Variants in CDH11 observed in about 807,000 individuals in gnomAD.
CDH11 encodes the protein cadherin-11.
CDH11 carries 11 observed loss-of-function variants against 67.8 expected under a neutral mutation model. That is an observed-to-expected ratio of 0.16 (90% CI 0.10 to 0.27). CDH11 has a LOEUF of 0.27. CDH11 is among the 10% of genes least tolerant of loss of function. The pLI is 1.00. For synonymous variants in CDH11, 419 were observed against 400.0 expected, an observed-to-expected ratio of 1.05 and a Z score of -0.57; for missense variants, 847 against 1,031.2, an observed-to-expected ratio of 0.82 and a Z score of 2.45.
intron 1 of CDH11, among the ~76,000 whole-genome samples, chr16:65,077,788 C>T (rs547097293): frequency 1.0e-3 from 157 of 152,264 alleles, no homozygotes; most frequent in Middle Eastern, 3.4e-3. Context: ...AATTAAACAT[C>T]CTATATTTTG....
chr16:65,122,521 T>C (rs1208499399), upstream of CDH11, among the ~76,000 whole-genome samples: 1 of 152,026 alleles, frequency 6.6e-6, no homozygotes, highest in Non-Finnish European at 1.5e-5. Flanking sequence ...GGGATGGTGG[T>C]TGGGGGAAGG....
chr16:64,976,327 C>T (rs554651205), intron 8 of CDH11, among the ~76,000 whole-genome samples: 1 of 150,990 alleles, frequency 6.6e-6, no homozygotes, highest in South Asian at 2.1e-4. Flanking sequence ...AGGTTAGTGC[C>T]AAGAAAACTA....
At chr16:64,991,058 A>G (rs1280625992) in intron 6 of CDH11, among the ~76,000 whole-genome samples, 1 of 152,162 alleles carries the variant, frequency 6.6e-6, no homozygotes, top group Non-Finnish European at 1.5e-5. Flanking sequence ...TCCAGTGGAA[A>G]CATTTGGTGG....
chr16:65,023,929 C>A (rs543991916), intron 2 of CDH11, among the ~76,000 whole-genome samples: 2 of 152,260 alleles, frequency 1.3e-5, no homozygotes, highest in Admixed American at 1.3e-4. Flanking sequence ...CCTACCCAAT[C>A]TCCTGTTTCA....
At chr16:64,991,021 T>C (rs1200121593) in intron 6 of CDH11, among the ~76,000 whole-genome samples, 1 of 152,152 alleles carries the variant, frequency 6.6e-6, no homozygotes, top group African/African-American at 2.4e-5. Flanking sequence ...CTACATGAAC[T>C]CCCCTTAGAT....
chr16:64,960,121 CT>C (rs1399902100), intron 11 of CDH11, among the ~76,000 whole-genome samples: 6 of 152,148 alleles, frequency 3.9e-5, no homozygotes, highest in African/African-American at 1.4e-4. Flanking sequence ...ATTCTTCCCC[CT>C]AACCCTAGGT....
chr16:65,115,707 C>CAAAAAAAAAAAAAAAAAAAAAAAAAAA (rs750108148), intron 1 of CDH11, among the ~76,000 whole-genome samples: 1 of 60,178 alleles, frequency 1.7e-5, no homozygotes, highest in Non-Finnish European at 3.3e-5. Flanking sequence ...AAGGCTACAC[C>CAAAAAAAAAAAAAAAAAAAAAAAAAAA]AAAAAAAAAA....
At chr16:65,015,586 CT>C (rs2073288643) in intron 2 of CDH11, among the ~76,000 whole-genome samples, 1 of 152,098 alleles carries the variant, frequency 6.6e-6, no homozygotes, top group South Asian at 2.1e-4. Context: ...ACAGTCCCCC[CT>C]TTAAACTATT....
At chr16:64,976,275 G>A (rs1298929618) in intron 8 of CDH11, among the ~76,000 whole-genome samples, 2 of 152,088 alleles carry the variant, frequency 1.3e-5, no homozygotes, top group Non-Finnish European at 2.9e-5. Flanking sequence ...AGGGATCAAA[G>A]ACTAGTGAAG....
intron 8 of CDH11, among the ~76,000 whole-genome samples, chr16:64,973,637 C>G (rs1039447611): frequency 1.3e-5 from 2 of 152,022 alleles, no homozygotes; most frequent in African/African-American, 4.8e-5. Context: ...GAAATCGCAT[C>G]TCTACTAAAA....
At chr16:65,007,354 T>A (rs756608599) in intron 2 of CDH11, among the ~76,000 whole-genome samples, 38 of 152,260 alleles carry the variant, frequency 2.5e-4, no homozygotes, top group Non-Finnish European at 4.4e-4. Context: ...TTAATATTGG[T>A]TGTAAACAGA....
chr16:65,115,349 T>C (rs2075224512), intron 1 of CDH11, among the ~76,000 whole-genome samples: 1 of 152,104 alleles, frequency 6.6e-6, no homozygotes, highest in African/African-American at 2.4e-5. Context: ...TAATAAACAA[T>C]TCATTGCTAA....
chr16:65,102,918 ACTGAGCATTAT>A (rs1171443299), intron 1 of CDH11, among the ~76,000 whole-genome samples: 1 of 152,176 alleles, frequency 6.6e-6, no homozygotes, highest in Non-Finnish European at 1.5e-5. Context: ...AAACACTGAA[ACTGAGCATTAT>A]CTGTCAAGGT....
At chr16:65,064,836 A>C (rs570311835) in intron 1 of CDH11, among the ~76,000 whole-genome samples, 4 of 152,338 alleles carry the variant, frequency 2.6e-5, no homozygotes, top group African/African-American at 9.6e-5. Flanking sequence ...TAAGTAAATA[A>C]CAATGTGATT....
chr16:65,076,485 G>A (rs1010018302), intron 1 of CDH11, among the ~76,000 whole-genome samples: 5 of 152,148 alleles, frequency 3.3e-5, no homozygotes, highest in African/African-American at 1.2e-4. Context: ...GAAAAAGGTG[G>A]AAACAAGTGT....
intron 2 of CDH11, among the ~76,000 whole-genome samples, chr16:65,020,624 C>T (rs1373179289): frequency 4.6e-5 from 7 of 152,156 alleles, no homozygotes; most frequent in East Asian, 1.9e-4. Flanking sequence ...GCCATGATGC[C>T]GAGCCCCAAT....
chr16:65,008,200 A>G (rs908094614), intron 2 of CDH11, among the ~76,000 whole-genome samples: 3 of 152,354 alleles, frequency 2.0e-5, no homozygotes, highest in South Asian at 4.1e-4. Flanking sequence ...TTTTTCTTTT[A>G]TAAAAAATGT....
intron 2 of CDH11, among the ~76,000 whole-genome samples, chr16:65,034,546 G>A (rs2073714197): frequency 6.6e-6 from 1 of 152,110 alleles, no homozygotes; most frequent in Non-Finnish European, 1.5e-5. Flanking sequence ...TCCTAATCTT[G>A]TGGTCTCATT....
intron 1 of CDH11, among the ~76,000 whole-genome samples, chr16:65,089,881 G>A (rs1411125625): frequency 2.0e-5 from 3 of 152,062 alleles, no homozygotes; most frequent in East Asian, 3.9e-4. Context: ...TATGCCATTA[G>A]AGCCAACATT....
Sources: allele counts gnomAD v4.1 joint callset (sites outside exome capture counted in the v4.1 genomes callset), GRCh38; gene constraint gnomAD v4.1.1; transcripts MANE v1.5; gene names NCBI Gene and HGNC (gene_info 2026-07-23, HGNC 2026-07-21).